Variants in CMTM4 observed in about 807,000 individuals in gnomAD.
The protein encoded by CMTM4 is CKLF-like MARVEL transmembrane domain-containing protein 4.
Under a neutral mutation model 19.0 loss-of-function variants are expected in CMTM4, and 8 were observed. The observed-to-expected ratio is 0.42, with a 90% CI of 0.25 to 0.76. The LOEUF is 0.76. CMTM4 is among the 30% of genes least tolerant of loss of function. The probability of loss-of-function intolerance (pLI) is 0.27; values close to 1 mark genes in which losing one functional copy is unlikely to be tolerated. For missense variants in CMTM4, 228 were observed against 290.2 expected, an observed-to-expected ratio of 0.79 and a Z score of 1.56; for synonymous variants, 106 against 121.1, an observed-to-expected ratio of 0.88 and a Z score of 0.82.
At chr16:66,681,309 A>T (rs1160729297) in intron 1 of CMTM4, among the ~76,000 whole-genome samples, 1 of 151,458 alleles carries the variant, frequency 6.6e-6, no homozygotes, top group Non-Finnish European at 1.5e-5. Context: ...TTTTTTTCCT[A>T]TTAAATCTTT....
the CMTM4 span, among the ~76,000 whole-genome samples, chr16:66,607,472 G>A: frequency 1.3e-5 from 2 of 152,060 alleles, no homozygotes; most frequent in South Asian, 2.1e-4. Flanking sequence ...AGATTTTTTT[G>A]CTTTATCTAT....
At chr16:66,655,896 T>C (rs2016390630) in intron 1 of CMTM4, among the ~76,000 whole-genome samples, 1 of 152,142 alleles carries the variant, frequency 6.6e-6, no homozygotes, top group Non-Finnish European at 1.5e-5. Flanking sequence ...GGCATGAAGA[T>C]ACTAGAAACT....
intron 2 of CMTM4, among the ~76,000 whole-genome samples, chr16:66,629,940 G>T (rs925336713): frequency 6.6e-6 from 1 of 152,184 alleles, no homozygotes; most frequent in Non-Finnish European, 1.5e-5. Flanking sequence ...CCATGTGGCT[G>T]TTCCTGAGTT....
rs74691338 is a variant in CMTM4 at position 66,617,942 on chromosome 16, C to T, written c.*4116G>A. Reference sequence around the variant, plus strand: ...ACAGGAAGGCAGTTAACAAAGTACACGTTTCCAAGACAGCCTGAGCTGTCT... The same window carrying T: ...ACAGGAAGGCAGTTAACAAAGTACATGTTTCCAAGACAGCCTGAGCTGTCT... On this transcript the variant is annotated 3_prime_UTR_variant, in exon 4 of 4. Transcript: ENST00000394106. 21,116 of 987,084 alleles carry T rather than the reference C, an allele frequency of 0.021. 305 individuals are homozygous for T. Among genetic ancestry groups the T allele is most frequent in the Non-Finnish European group, 0.024 (19,900 of 831,114 alleles). The allele number at this position is 987,084 out of a possible 1,614,324, so 61.1% of individuals were successfully genotyped here.
At chr16:66,673,828 C>T (rs1002661461) in intron 1 of CMTM4, among the ~76,000 whole-genome samples, 3 of 152,258 alleles carry the variant, frequency 2.0e-5, no homozygotes, top group African/African-American at 7.2e-5. Flanking sequence ...GCAACTTCCG[C>T]TCAGGTCCTG....
chr16:66,650,026 G>C (rs943878977), intron 1 of CMTM4, among the ~76,000 whole-genome samples: 2 of 152,134 alleles, frequency 1.3e-5, no homozygotes, highest in African/African-American at 4.8e-5. Flanking sequence ...CGGTGCCCAG[G>C]GAGGTATCGA....
chr16:66,610,259 G>C (rs2015327220), downstream of CMTM4, among the ~76,000 whole-genome samples: 3 of 152,028 alleles, frequency 2.0e-5, no homozygotes, highest in Admixed American at 2.0e-4. The surrounding 1 kb of genome is among the most constrained non-coding windows in gnomAD (Gnocchi z 4.6). Context: ...AGGCCGGCAA[G>C]TCTCCCTGGA....
At chr16:66,612,958 A>G, downstream of CMTM4, 1 of 676,334 alleles carries the variant, frequency 1.5e-6, no homozygotes, top group Non-Finnish European at 2.7e-6. The surrounding 1 kb of genome is among the most constrained non-coding windows in gnomAD (Gnocchi z 6.0). Flanking sequence ...CCTTGTCTGT[A>G]TCTGGGCAGC....
chr16:66,686,639 G>A (rs2017039297), intron 1 of CMTM4, among the ~76,000 whole-genome samples: 1 of 151,812 alleles, frequency 6.6e-6, no homozygotes, highest in African/African-American at 2.4e-5. Flanking sequence ...GACTTACAGA[G>A]GTCACCATTT....
intron 1 of CMTM4, among the ~76,000 whole-genome samples, chr16:66,655,510 G>A (rs2016381922): frequency 7.1e-6 from 1 of 140,278 alleles, no homozygotes; most frequent in East Asian, 2.1e-4. Flanking sequence ...TGAGGTCTAG[G>A]ACAGAAACGT....
chr16:66,619,634 G>A lies in CMTM4; in HGVS notation c.*2424C>T. ...TATAGGCGTCTTCATATTCACCTTGGATAACCCTATTCCCTCCAGAACTTT... is the reference window on the plus strand; with the variant it reads ...TATAGGCGTCTTCATATTCACCTTGAATAACCCTATTCCCTCCAGAACTTT... On this transcript the variant is annotated 3_prime_UTR_variant, in exon 4 of 4. Coordinates refer to ENST00000394106, the MANE Select transcript of CMTM4 (RefSeq NM_181521.3). The A allele has an allele frequency of 3.0e-6, 3 of 985,248 alleles. No individual in the cohort carries two copies. The highest frequency in any genetic ancestry group is 9.4e-5 in the South Asian group (2 of 21,280). The allele number at this position is 985,248 out of a possible 1,614,324, so 61.0% of individuals were successfully genotyped here.
chr16:66,689,579 G>C (rs555895056), intron 1 of CMTM4, among the ~76,000 whole-genome samples: 1 of 151,978 alleles, frequency 6.6e-6, no homozygotes, highest in Non-Finnish European at 1.5e-5. Context: ...GCTAATTTTT[G>C]TATTTTTTGT....
At chr16:66,644,783 G>C (rs567398267) in intron 1 of CMTM4, among the ~76,000 whole-genome samples, 1 of 152,288 alleles carries the variant, frequency 6.6e-6, no homozygotes, top group Admixed American at 6.5e-5. Context: ...GGGCGGGGGA[G>C]GGGAATGACC....
chr16:66,604,965 G>A, the CMTM4 span: 2 of 1,489,684 alleles, frequency 1.3e-6, no homozygotes, highest in South Asian at 1.3e-5. Context: ...GAGTGCGGCG[G>A]GACCCTCGGC....
intron 1 of CMTM4, among the ~76,000 whole-genome samples, chr16:66,691,902 G>A (rs948009065): frequency 6.6e-6 from 1 of 152,146 alleles, no homozygotes; most frequent in Non-Finnish European, 1.5e-5. Flanking sequence ...GACAGGCATT[G>A]TTAGCACTAT....
chr16:66,692,581 A>G (rs368532500), intron 1 of CMTM4, among the ~76,000 whole-genome samples: 1 of 152,348 alleles, frequency 6.6e-6, no homozygotes, highest in East Asian at 1.9e-4. Context: ...GCAAGGATCT[A>G]CAGGTTGCAA....
At chr16:66,686,864 A>T (rs1299675580) in intron 1 of CMTM4, among the ~76,000 whole-genome samples, 1 of 152,152 alleles carries the variant, frequency 6.6e-6, no homozygotes, top group East Asian at 1.9e-4. Context: ...ACTCATGAGG[A>T]CATTTATTGA....
the CMTM4 span, chr16:66,604,684 G>T: frequency 5.4e-6 from 4 of 745,446 alleles, no homozygotes; most frequent in South Asian, 1.3e-4. Context: ...GGCGGCGGGG[G>T]ATGCGCCCCT....
intron 1 of CMTM4, among the ~76,000 whole-genome samples, chr16:66,683,736 G>A (rs1442565831): frequency 6.6e-6 from 1 of 151,784 alleles, no homozygotes; most frequent in Non-Finnish European, 1.5e-5. Flanking sequence ...CAATGCTCTG[G>A]AGGAGAATCA....
Sources: allele counts gnomAD v4.1 joint callset (sites outside exome capture counted in the v4.1 genomes callset), GRCh38; gene constraint gnomAD v4.1.1; non-coding constraint Gnocchi (gnomAD v3.1); transcripts MANE v1.5; gene names NCBI Gene and HGNC (gene_info 2026-07-23, HGNC 2026-07-21).